Variants in MYOT observed in about 807,000 individuals in gnomAD.
The protein encoded by MYOT is myotilin, also known as 57 kDa cytoskeletal protein.
A neutral mutation model predicts 58.0 loss-of-function variants in MYOT; 36 were observed. That is an observed-to-expected ratio of 0.62 (90% CI 0.48 to 0.82). The LOEUF (loss-of-function observed/expected upper bound fraction) is 0.82. Among genes scored for constraint, MYOT ranks in the 40% least tolerant of loss-of-function variants. MYOT has a pLI of 0.00. For missense variants in MYOT, 505 were observed against 592.1 expected (o/e 0.85, Z 1.53); for synonymous variants, 218 against 204.6 (o/e 1.07, Z -0.56).
chr5:137,883,691 G>A, intron 7 of MYOT, 100 bp downstream of exon 7: 1 of 1,086,276 alleles, frequency 9.2e-7, no homozygotes. Context: ...TCATATTTAA[G>A]GTTAATGTCT....
chr5:137,880,929 T>C, intron 5 of MYOT, 64 bp downstream of exon 5: 1 of 1,178,038 alleles, frequency 8.5e-7, no homozygotes, highest in Non-Finnish European at 1.2e-6. Flanking sequence ...AGCTTAAAAA[T>C]GTAATATTTA....
At chr5:137,876,624 G>A (rs1051357827) in intron 3 of MYOT, among the ~76,000 whole-genome samples, 2 of 152,058 alleles carry the variant, frequency 1.3e-5, no homozygotes, top group Admixed American at 1.3e-4. Context: ...GACCAATATG[G>A]TGAAACTCCA....
At position 137,887,432 on chromosome 5, in the gene MYOT, T is replaced by A. The variant is rs760024041; in HGVS notation, c.*47T>A. 13 of 1,585,652 alleles carry A rather than the reference T, an allele frequency of 8.2e-6. No individual in the cohort carries two copies. In the African/African-American group the frequency reaches 1.6e-4, roughly 20 times the overall value. ...ACAGCCAACTACACCATTAGTAATA[T>A]ATTTGATTACATTTTTTTGAAATTA... On this transcript the variant is annotated 3_prime_UTR_variant, in exon 10 of 10. Coordinates refer to ENST00000239926, the MANE Select transcript of MYOT (RefSeq NM_006790.3).
intron 6 of MYOT, 177 bp from the exon 7 acceptor site, chr5:137,883,207 A>T: frequency 1.6e-6 from 1 of 615,392 alleles, no homozygotes; most frequent in Admixed American, 2.7e-5. Context: ...GTTAATTTCA[A>T]GGATCTTATT....
At chr5:137,870,275 G>C (rs1319757903) in intron 1 of MYOT, among the ~76,000 whole-genome samples, 166 bp from the exon 2 acceptor site, 5 of 134,842 alleles carry the variant, frequency 3.7e-5, no homozygotes, top group African/African-American at 1.4e-4. Context: ...TGTTCGCCTG[G>C]GCGATTAAGC....
chr5:137,872,390 T>G (rs1232769407), intron 2 of MYOT, among the ~76,000 whole-genome samples: 34 of 152,208 alleles, frequency 2.2e-4, no homozygotes, highest in Admixed American at 2.2e-3. Flanking sequence ...GAATTTTTTG[T>G]TTTTCTTAGT....
At chr5:137,883,683 A>T (rs1755509885) in intron 7 of MYOT, 92 bp downstream of exon 7, 2 of 1,193,124 alleles carry the variant, frequency 1.7e-6, no homozygotes, top group East Asian at 5.1e-5. Flanking sequence ...AGCAGACTTC[A>T]TATTTAAGGT....
chr5:137,887,351 C>A lies in MYOT; in HGVS notation c.1463C>A (p.Ala488Asp). The change falls in exon 10 of 10, where the codon GCT becomes GAT. Residue 488 changes from alanine to aspartate, a missense_variant. Physicochemically the swap from Ala to Asp is moderately radical, Grantham distance 126. Transcript: ENST00000239926. ...GAAGGAGAATTTCAGCGTTTGGCAGCTCAATCTGGACTCTATGAAAGTGAA... is the reference window on the plus strand; with the variant it reads ...GAAGGAGAATTTCAGCGTTTGGCAGATCAATCTGGACTCTATGAAAGTGAA... ...NPEGEFQRLA[A>D]QSGLYESEEL 1 of 1,613,976 alleles carries A rather than the reference C, an allele frequency of 6.2e-7. No homozygotes were observed. The highest frequency in any genetic ancestry group is 8.5e-7 in the Non-Finnish European group (1 of 1,179,952).
rs754283113 is a variant in MYOT at position 137,880,821 on chromosome 5, C to T, written c.639C>T (p.His213=). The T allele has an allele frequency of 3.7e-6, 6 of 1,612,342 alleles. No individual in the cohort carries two copies. Among genetic ancestry groups the T allele is most frequent in the Non-Finnish European group, 5.1e-6 (6 of 1,178,676 alleles). The change falls in exon 5 of 10, where the codon CAC becomes CAT. Residue 213 remains histidine, a synonymous_variant. Transcript: ENST00000239926. Reference sequence around the variant, plus strand: ...TACTTTGTTTTAATTTCAAGCAACACAACTCAGAACATGCGCGACTGCAAG... The same window carrying T: ...TACTTTGTTTTAATTTCAAGCAACATAACTCAGAACATGCGCGACTGCAAG... ...DDSGAQDSQQ[H]NSEHARLQVP...
At chr5:137,868,295 C>T (rs543904318) in intron 1 of MYOT, among the ~76,000 whole-genome samples, 9 of 152,050 alleles carry the variant, frequency 5.9e-5, no homozygotes, top group Admixed American at 4.6e-4. Context: ...ATATTAGAGA[C>T]AGGAAAAAAA....
At chr5:137,882,767 A>T (rs1267688140) in intron 6 of MYOT, 1 of 156,830 alleles carries the variant, frequency 6.4e-6, no homozygotes, top group Admixed American at 6.3e-5. Flanking sequence ...CTCTTGGCCT[A>T]AAAGAGTCCC....
intron 5 of MYOT, among the ~76,000 whole-genome samples, chr5:137,881,659 C>T (rs934558888): frequency 6.6e-6 from 1 of 152,168 alleles, no homozygotes; most frequent in African/African-American, 2.4e-5. Context: ...CACACCACCA[C>T]TATAGAAAAA....
At chr5:137,887,103 T>C (rs1478866781) in intron 9 of MYOT, 106 bp downstream of exon 9, 1 of 1,551,358 alleles carries the variant, frequency 6.4e-7, no homozygotes. Context: ...TTTCCCCATA[T>C]ATAATCAGTT....
chr5:137,880,724 T>G, intron 4 of MYOT, 92 bp from the exon 5 acceptor site: 1 of 1,097,594 alleles, frequency 9.1e-7, no homozygotes, highest in Non-Finnish European at 1.4e-6. Flanking sequence ...ACAGCCAAAA[T>G]AGGAATGTTC....
At chr5:137,877,732 C>A in intron 4 of MYOT, 111 bp downstream of exon 4, 1 of 771,874 alleles carries the variant, frequency 1.3e-6, no homozygotes, top group Admixed American at 2.0e-5. Flanking sequence ...CAGTTCCATC[C>A]ACCACTGGAT....
chr5:137,877,271 G>A (rs1361103628), intron 3 of MYOT, among the ~76,000 whole-genome samples: 1 of 151,140 alleles, frequency 6.6e-6, no homozygotes, highest in Non-Finnish European at 1.5e-5. Context: ...AGGAGGCTGA[G>A]GCAGGAGAAT....
At chr5:137,885,987 G>T in intron 7 of MYOT, 61 bp from the exon 8 acceptor site, 1 of 1,168,664 alleles carries the variant, frequency 8.6e-7, no homozygotes, top group Non-Finnish European at 1.2e-6. Flanking sequence ...TAATACCTTG[G>T]TTTGATTTAA....
At chr5:137,878,610 G>T (rs1010340369) in intron 4 of MYOT, among the ~76,000 whole-genome samples, 1 of 152,080 alleles carries the variant, frequency 6.6e-6, no homozygotes, top group African/African-American at 2.4e-5. Context: ...GGATCACGAG[G>T]TCAAGAGATC....
intron 1 of MYOT, 103 bp from the exon 2 acceptor site, chr5:137,870,338 A>C: frequency 2.4e-6 from 1 of 414,998 alleles, no homozygotes. Flanking sequence ...AAAGGAAGGA[A>C]GGAAAGAAAG....
Sources: gnomAD v4.1 joint callset for allele counts (sites outside exome capture counted in the v4.1 genomes callset) on GRCh38, gnomAD v4.1.1 for gene constraint, MANE v1.5 for transcripts, NCBI Gene and HGNC (gene_info 2026-07-23, HGNC 2026-07-21) for gene names.